The following CDK17 variants were observed in gnomAD, a reference collection of about 807,000 sequenced individuals.
The protein encoded by CDK17 is cyclin dependent kinase 17.
CDK17 carries 24 observed loss-of-function variants against 77.6 expected under a neutral mutation model. The ratio of observed to expected loss-of-function variants is 0.31; its 90% CI spans 0.22 to 0.44. CDK17 has a LOEUF of 0.44. Ranked by LOEUF, CDK17 falls within the 20% of genes least tolerant of loss-of-function variation. The pLI is 1.00. For missense variants in CDK17, 429 were observed against 622.5 expected (o/e 0.69, Z 3.31); for synonymous variants, 203 against 210.4 (o/e 0.96, Z 0.30).
intron 2 of CDK17, among the ~76,000 whole-genome samples, chr12:96,331,818 G>A (rs1952973595): frequency 6.6e-6 from 1 of 152,128 alleles, no homozygotes; most frequent in South Asian, 2.1e-4. Context: ...CATGTGCCTA[G>A]ATATGCAAGA....
chr12:96,330,631 T>C (rs934630015), intron 2 of CDK17, among the ~76,000 whole-genome samples: 1 of 152,228 alleles, frequency 6.6e-6, no homozygotes, highest in African/African-American at 2.4e-5. Context: ...GTATTTTGGG[T>C]CTGGCTCCTT....
intron 14 of CDK17, among the ~76,000 whole-genome samples, chr12:96,283,338 A>G (rs1429648125): frequency 6.6e-6 from 1 of 152,202 alleles, no homozygotes. Flanking sequence ...GAGCATAGAG[A>G]GCATCAATTG....
Position 96,365,596 on chromosome 12 carries a change from T to G in CDK17, c.-29-30731A>C, listed in dbSNP as rs61441039. 6.1e-3 allele frequency among the ~76,000 whole-genome samples: 930 copies of G among 152,358 alleles called. 12 individuals are homozygous for G. The highest frequency in any genetic ancestry group is 0.02 in the African/African-American group (836 of 41,584). ...GTCAGAACCCTCTTGATAATCTGTT[T>G]CAAAAGAAAAACTACACCTAAAAGC... is the stretch of plus-strand genomic sequence containing the variant. On this transcript the variant is annotated intron_variant, in intron 1 of 16. Coordinates refer to ENST00000261211, the MANE Select transcript of CDK17 (RefSeq NM_002595.5).
At chr12:96,392,203 C>T (rs2137247004) in intron 1 of CDK17, among the ~76,000 whole-genome samples, 1 of 152,268 alleles carries the variant, frequency 6.6e-6, no homozygotes, top group East Asian at 1.9e-4. Flanking sequence ...ACAAAGATCA[C>T]GTTGGAGAAA....
intron 1 of CDK17, among the ~76,000 whole-genome samples, chr12:96,386,399 G>C (rs139557927): frequency 6.6e-6 from 1 of 152,106 alleles, no homozygotes; most frequent in African/African-American, 2.4e-5. Flanking sequence ...CTGCAATCTC[G>C]GCACTTTGGG....
At chr12:96,353,884 T>C (rs765222422) in intron 1 of CDK17, among the ~76,000 whole-genome samples, 40 of 152,156 alleles carry the variant, frequency 2.6e-4, no homozygotes, top group Admixed American at 1.0e-3. Context: ...ATTGAACCTA[T>C]TGGAACAAAT....
chr12:96,280,385 T>A (rs1373314652), intron 16 of CDK17, 106 bp from the exon 17 acceptor site: 2 of 1,507,958 alleles, frequency 1.3e-6, no homozygotes, highest in East Asian at 4.9e-5. Context: ...AAAGCTAATA[T>A]TCCATGGTAA....
rs151224361 is a variant in CDK17, at chr12:96,368,363, T to C, written c.-30+31623A>G. Among the ~76,000 whole-genome samples the C allele has an allele frequency of 2.1e-3, 327 of 152,326 alleles. 1 individual carries two copies. Among genetic ancestry groups the C allele is most frequent in the African/African-American group, 7.6e-3 (314 of 41,580 alleles). ...CTTTCAAAGGTAGGAAATGAGAGGT[T>C]ATCCTGAGGTCAGGAGCTTCTAATG... On this transcript the variant is annotated intron_variant, in intron 1 of 16. Transcript: ENST00000261211.
intron 1 of CDK17, among the ~76,000 whole-genome samples, chr12:96,388,107 A>G (rs1954006125): frequency 1.3e-5 from 2 of 152,006 alleles, no homozygotes; most frequent in Admixed American, 6.6e-5. Flanking sequence ...TCATCTGTAC[A>G]TAAAAAAAAA....
At chr12:96,390,962 C>T (rs898807212) in intron 1 of CDK17, among the ~76,000 whole-genome samples, 3 of 151,266 alleles carry the variant, frequency 2.0e-5, no homozygotes, top group Non-Finnish European at 4.4e-5. Context: ...TGGCACACGC[C>T]TATAATCCCA....
intron 4 of CDK17, among the ~76,000 whole-genome samples, chr12:96,312,903 T>C (rs35159911): frequency 0.052 from 7,886 of 152,182 alleles, 266 homozygotes; most frequent in Non-Finnish European, 0.064. Context: ...TTTATACCTC[T>C]TAAAATTTGA....
chr12:96,368,529 A>G (rs1223380611), intron 1 of CDK17, among the ~76,000 whole-genome samples: 1 of 152,168 alleles, frequency 6.6e-6, no homozygotes, highest in Non-Finnish European at 1.5e-5. Context: ...CTCTCTGGGC[A>G]CCGTGCCTCC....
At chr12:96,287,127 A>C (rs1483035719) in intron 11 of CDK17, among the ~76,000 whole-genome samples, 1 of 152,166 alleles carries the variant, frequency 6.6e-6, no homozygotes, top group Non-Finnish European at 1.5e-5. Context: ...TTGAACAGCA[A>C]AGACAGGAGT....
intron 1 of CDK17, among the ~76,000 whole-genome samples, chr12:96,373,062 A>G (rs538367743): frequency 3.9e-4 from 59 of 152,336 alleles, no homozygotes; most frequent in African/African-American, 1.4e-3. Flanking sequence ...TTAACACATC[A>G]CTACATTTAA....
chr12:96,316,305 A>G (rs185728355), intron 3 of CDK17, among the ~76,000 whole-genome samples: 36 of 151,462 alleles, frequency 2.4e-4, no homozygotes, highest in African/African-American at 8.3e-4. Flanking sequence ...GGAGGGTCCT[A>G]CGCCCACGGA....
intron 5 of CDK17, among the ~76,000 whole-genome samples, chr12:96,308,765 A>AATAATAATAATG (rs1383284887): frequency 4.7e-5 from 7 of 148,076 alleles, no homozygotes; most frequent in Non-Finnish European, 1.0e-4. Flanking sequence ...TAATAATAAT[A>AATAATAATAATG]ATGTAAAAAA....
At chr12:96,284,614 G>C (rs1222651656) in intron 13 of CDK17, among the ~76,000 whole-genome samples, 2 of 149,780 alleles carry the variant, frequency 1.3e-5, no homozygotes, top group Non-Finnish European at 3.0e-5. Flanking sequence ...CTAGGCTGGA[G>C]TGCAAAGGTG....
chr12:96,399,491 G>A (rs1221087486), intron 1 of CDK17: 2 of 152,158 alleles, frequency 1.3e-5, no homozygotes, highest in Non-Finnish European at 2.9e-5. Context: ...AGGAGCTGCA[G>A]GCGCCGCGAC....
intron 1 of CDK17, among the ~76,000 whole-genome samples, chr12:96,391,699 C>T (rs907170593): frequency 1.3e-5 from 2 of 152,090 alleles, no homozygotes; most frequent in African/African-American, 4.8e-5. Flanking sequence ...TTTATATTTC[C>T]ATTTTGTCTA....
Sources: gnomAD v4.1 joint callset for allele counts (sites outside exome capture counted in the v4.1 genomes callset) on GRCh38, gnomAD v4.1.1 for gene constraint, MANE v1.5 for transcripts, NCBI Gene and HGNC (gene_info 2026-07-23, HGNC 2026-07-21) for gene names.